Variants in EVI5 observed in about 807,000 individuals in gnomAD.
EVI5 encodes ecotropic viral integration site 5 protein homolog.
Under a neutral mutation model 112.0 loss-of-function variants are expected in EVI5, and 73 were observed. The observed-to-expected ratio is 0.65, with a 90% CI of 0.54 to 0.79. The LOEUF is 0.79. Ranked by LOEUF, EVI5 falls within the 30% of genes least tolerant of loss-of-function variation. EVI5 has a pLI of 0.00. For synonymous variants in EVI5, 305 were observed against 319.9 expected (o/e 0.95, Z 0.50); for missense variants, 900 against 968.8 (o/e 0.93, Z 0.94).
chr1:92,777,990 C>T (rs1376067977), intron 1 of EVI5, among the ~76,000 whole-genome samples: 1 of 151,760 alleles, frequency 6.6e-6, no homozygotes, highest in Admixed American at 6.6e-5. Flanking sequence ...CTCACTGCTA[C>T]CTCCACCTCC....
At position 92,562,193 on chromosome 1, in the gene EVI5, T is replaced by G. The variant is rs1412198563; in HGVS notation, c.2166+1449A>C. Reference sequence around the variant, plus strand: ...AAGAATAAAGATTTCTACAACACACTTAATTGTAACTTGTTCTTTCACACT... The same window carrying G: ...AAGAATAAAGATTTCTACAACACACGTAATTGTAACTTGTTCTTTCACACT... On this transcript the variant is annotated intron_variant, in intron 19 of 19. Coordinates refer to ENST00000684568, the MANE Select transcript of EVI5 (RefSeq NM_001350197.2). 2.6e-5 allele frequency among the ~76,000 whole-genome samples: 4 copies of G among 152,266 alleles called. No homozygotes were observed. The South Asian group carries it at 6.2e-4, about 24-fold the overall frequency.
chr1:92,551,560 T>C (rs1020605717), intron 19 of EVI5, among the ~76,000 whole-genome samples: 79 of 152,212 alleles, frequency 5.2e-4, no homozygotes, highest in African/African-American at 1.8e-3. Flanking sequence ...GAATGACACA[T>C]TTGAGCACAT....
rs556639789 is a variant in EVI5, at chr1:92,594,076, A to C, written c.2070+11231T>G. On this transcript the variant is annotated intron_variant, in intron 18 of 19. Coordinates refer to ENST00000684568, the MANE Select transcript of EVI5 (RefSeq NM_001350197.2). ...ACAGAACTGGAAAAAACTAAAGTTC[A>C]TATGGAACCAAAAAAGAGCCTGCAT... 4.5e-4 allele frequency among the ~76,000 whole-genome samples: 69 copies of C among 152,360 alleles called. 1 individual carries two copies. The East Asian group carries it at 0.012, about 27-fold the overall frequency.
At chr1:92,712,179 A>C (rs980838721) in intron 2 of EVI5, among the ~76,000 whole-genome samples, 45 of 152,298 alleles carry the variant, frequency 3.0e-4, no homozygotes, top group African/African-American at 1.1e-3. Context: ...ATCCTTTCAC[A>C]TCAACAACAC....
chr1:92,554,521 T>G (rs1667409153), intron 19 of EVI5, among the ~76,000 whole-genome samples: 1 of 152,224 alleles, frequency 6.6e-6, no homozygotes. Flanking sequence ...AAATCTCAGC[T>G]TTAAGTATTT....
chr1:92,628,938 G>C (rs998662703), intron 14 of EVI5, among the ~76,000 whole-genome samples: 8 of 152,170 alleles, frequency 5.3e-5, no homozygotes, highest in African/African-American at 1.7e-4. Context: ...GGATGCTGCA[G>C]GAAGAAATTA....
At chr1:92,517,843 T>TA (rs1052452221) in intron 19 of EVI5, among the ~76,000 whole-genome samples, 15 of 150,204 alleles carry the variant, frequency 1.0e-4, no homozygotes, top group African/African-American at 3.2e-4. Context: ...AGGAATCTGA[T>TA]AAAAACTATC....
At chr1:92,759,643 T>C (rs1332393532) in intron 1 of EVI5, among the ~76,000 whole-genome samples, 2 of 152,136 alleles carry the variant, frequency 1.3e-5, no homozygotes, top group Non-Finnish European at 2.9e-5. Flanking sequence ...CTGGGTAAAC[T>C]CTAATCTACT....
At chr1:92,540,902 C>T (rs1310119629) in intron 19 of EVI5, among the ~76,000 whole-genome samples, 3 of 151,988 alleles carry the variant, frequency 2.0e-5, no homozygotes, top group Non-Finnish European at 2.9e-5. Context: ...GGTGAAACCC[C>T]GCCTCTACTA....
At chr1:92,636,407 C>T in intron 13 of EVI5, 71 bp from the exon 14 acceptor site, 1 of 1,282,764 alleles carries the variant, frequency 7.8e-7, no homozygotes, top group East Asian at 2.4e-5. Flanking sequence ...AACAATGCAA[C>T]CACATAATAC....
At position 92,666,001 on chromosome 1, in the gene EVI5, A is replaced by G; in HGVS notation, c.1159-9T>C. 1.9e-6 allele frequency: 3 copies of G among 1,551,960 alleles called. No individual in the cohort carries two copies. The highest frequency in any genetic ancestry group is 2.6e-6 in the Non-Finnish European group (3 of 1,145,194). ...TTTTCTGTGCGTAACCTCTGCCAAGAAAAAAAAAGTTTTATTTGCAAGCAT... is the reference window on the plus strand; with the variant it reads ...TTTTCTGTGCGTAACCTCTGCCAAGGAAAAAAAAGTTTTATTTGCAAGCAT... On this transcript the variant is annotated splice_polypyrimidine_tract_variant and intron_variant, in intron 10 of 19. Coordinates refer to ENST00000684568, the MANE Select transcript of EVI5 (RefSeq NM_001350197.2).
At chr1:92,599,990 C>G (rs944881512) in intron 18 of EVI5, among the ~76,000 whole-genome samples, 6 of 151,994 alleles carry the variant, frequency 3.9e-5, no homozygotes, top group African/African-American at 1.5e-4. Context: ...AGAGCTGAAG[C>G]TGGAGAAAAG....
chr1:92,558,970 AGTT>A (rs1668098893), intron 19 of EVI5, among the ~76,000 whole-genome samples: 1 of 152,214 alleles, frequency 6.6e-6, no homozygotes, highest in African/African-American at 2.4e-5. Context: ...AGCACTATAC[AGTT>A]GTCCCTCAGT....
intron 19 of EVI5, among the ~76,000 whole-genome samples, chr1:92,514,929 A>G (rs1659625237): frequency 2.0e-5 from 3 of 152,332 alleles, no homozygotes; most frequent in Non-Finnish European, 2.9e-5. Flanking sequence ...AAAGGCCAGC[A>G]TATCACCGTC....
intron 2 of EVI5, among the ~76,000 whole-genome samples, chr1:92,710,676 G>A (rs554657145): frequency 1.3e-4 from 20 of 151,382 alleles, no homozygotes; most frequent in Middle Eastern, 6.8e-3. Context: ...GGTCACTACA[G>A]GTTTCTCTTA....
chr1:92,719,893 A>G (rs1224395023), intron 2 of EVI5, among the ~76,000 whole-genome samples: 3 of 152,084 alleles, frequency 2.0e-5, no homozygotes, highest in African/African-American at 7.3e-5. Flanking sequence ...CCAATAACAG[A>G]CAGCCAAATT....
At chr1:92,621,304 T>G (rs547107860) in intron 16 of EVI5, among the ~76,000 whole-genome samples, 16 of 152,206 alleles carry the variant, frequency 1.1e-4, no homozygotes, top group African/African-American at 3.9e-4. Flanking sequence ...GACTAAATTG[T>G]TTTTAGTTTT....
chr1:92,593,729 A>G (rs1674415135), intron 18 of EVI5, among the ~76,000 whole-genome samples: 1 of 152,220 alleles, frequency 6.6e-6, no homozygotes, highest in African/African-American at 2.4e-5. Flanking sequence ...AAGTCTCAGG[A>G]TACAAAATCA....
In EVI5 at chr1:92,523,012, G is replaced by A. The variant is rs754640892; in HGVS notation, c.2167-9042C>T. On this transcript the variant is annotated intron_variant, in intron 19 of 19. Coordinates refer to ENST00000684568, the MANE Select transcript of EVI5 (RefSeq NM_001350197.2). ...AGCCTCAAGCAATTCCCTCACCTCAGCCTTCCAAGGTGGTGGGATTACCGT... is the reference window on the plus strand; with the variant it reads ...AGCCTCAAGCAATTCCCTCACCTCAACCTTCCAAGGTGGTGGGATTACCGT... 4.1e-4 allele frequency among the ~76,000 whole-genome samples: 63 copies of A among 152,118 alleles called. 1 individual carries two copies. Among genetic ancestry groups the A allele is most frequent in the Admixed American group, 7.9e-4 (12 of 15,274 alleles).
Sources: gnomAD v4.1 joint callset for allele counts (sites outside exome capture counted in the v4.1 genomes callset) on GRCh38, gnomAD v4.1.1 for gene constraint, MANE v1.5 for transcripts, NCBI Gene and HGNC (gene_info 2026-07-23, HGNC 2026-07-21) for gene names.